CSMD1: variants seen among roughly 807,000 people sequenced by gnomAD.
The protein encoded by CSMD1 is CUB and sushi domain-containing protein 1.
In CSMD1, 213 loss-of-function variants were observed where a neutral mutation model predicts 417.5. The ratio of observed to expected loss-of-function variants is 0.51; its 90% CI spans 0.46 to 0.57. The LOEUF is 0.57. Ranked by LOEUF, CSMD1 falls within the 20% of genes least tolerant of loss-of-function variation. The pLI is 0.00. For synonymous variants in CSMD1, 2,862 were observed against 1,736.8 expected (o/e 1.65, Z -16.11); for missense variants, 6,923 against 4,529.7 (o/e 1.53, Z -15.17).
intron 26 of CSMD1, among the ~76,000 whole-genome samples, chr8:3,257,201 G>T (rs1440053696): frequency 6.6e-6 from 1 of 152,150 alleles, no homozygotes; most frequent in Non-Finnish European, 1.5e-5. Flanking sequence ...GCATCCATCT[G>T]TAATCCCAGC....
At chr8:4,238,956 A>G (rs565098672) in intron 3 of CSMD1, among the ~76,000 whole-genome samples, 16 of 152,204 alleles carry the variant, frequency 1.1e-4, no homozygotes, top group African/African-American at 3.6e-4. Context: ...TCTTCTGTAG[A>G]GAGTAGACAG....
At chr8:4,522,781 C>T (rs1014050989) in intron 2 of CSMD1, among the ~76,000 whole-genome samples, 1 of 152,158 alleles carries the variant, frequency 6.6e-6, no homozygotes, top group African/African-American at 2.4e-5. Flanking sequence ...GTCCTGGTAG[C>T]AGTGATGTGG....
At chr8:3,674,492 G>A (rs1411587184) in intron 7 of CSMD1, among the ~76,000 whole-genome samples, 1 of 151,936 alleles carries the variant, frequency 6.6e-6, no homozygotes, top group Non-Finnish European at 1.5e-5. Flanking sequence ...ACTCTTAAAA[G>A]TATTGGACAG....
At chr8:3,534,783 T>TGTTA (rs1798123431) in intron 10 of CSMD1, among the ~76,000 whole-genome samples, 1 of 152,206 alleles carries the variant, frequency 6.6e-6, no homozygotes, top group South Asian at 2.1e-4. Context: ...TTACTTTATT[T>TGTTA]CCTTGTTACA....
chr8:3,420,109 A>C (rs572713978), intron 12 of CSMD1, among the ~76,000 whole-genome samples: 3 of 152,272 alleles, frequency 2.0e-5, no homozygotes, highest in East Asian at 3.9e-4. Context: ...ATTACTTTTA[A>C]TTTCAATAGT....
At chr8:4,241,230 G>A (rs940221847) in intron 3 of CSMD1, among the ~76,000 whole-genome samples, 1 of 152,228 alleles carries the variant, frequency 6.6e-6, no homozygotes, top group South Asian at 2.1e-4. Flanking sequence ...CACTAGAATA[G>A]AATTTGACAC....
Position 4,399,790 on chromosome 8 carries a change from G to C in CSMD1, c.415+20163C>G, listed in dbSNP as rs181388041. On this transcript the variant is annotated intron_variant, in intron 3 of 69. Coordinates refer to ENST00000635120, the MANE Select transcript of CSMD1 (RefSeq NM_033225.6). ...TCCTCATGTGAGTCTATTTCTAAAA[G>C]ATGCATCTGCTTTTAGGAAGCTATT... Among the ~76,000 whole-genome samples the C allele has an allele frequency of 1.5e-4, 23 of 152,274 alleles. No individual in the cohort carries two copies. The East Asian group carries it at 2.9e-3, about 19-fold the overall frequency.
chr8:3,526,980 G>T (rs1797779933), intron 10 of CSMD1, among the ~76,000 whole-genome samples: 1 of 152,002 alleles, frequency 6.6e-6, no homozygotes, highest in Non-Finnish European at 1.5e-5. Flanking sequence ...CCCTCTGGAG[G>T]GTGGGGCTAT....
chr8:3,544,996 G>A (rs924102874), intron 10 of CSMD1, among the ~76,000 whole-genome samples: 3 of 151,982 alleles, frequency 2.0e-5, no homozygotes, highest in Non-Finnish European at 4.4e-5. Flanking sequence ...TTCCTTTTAT[G>A]AAATTTCTCT....
intron 10 of CSMD1, among the ~76,000 whole-genome samples, chr8:3,528,670 T>G (rs1179928094): frequency 6.6e-6 from 1 of 152,210 alleles, no homozygotes; most frequent in Non-Finnish European, 1.5e-5. Flanking sequence ...TTCTGGGACA[T>G]GGTGGCTGCA....
At chr8:3,482,868 TTCTAAATAATCCATG>T (rs1446182169) in intron 11 of CSMD1, among the ~76,000 whole-genome samples, 1 of 152,116 alleles carries the variant, frequency 6.6e-6, no homozygotes, top group Non-Finnish European at 1.5e-5. Flanking sequence ...AATAACACAT[TTCTAAATAATCCATG>T]ATTCAAAGGG....
intron 6 of CSMD1, among the ~76,000 whole-genome samples, chr8:3,721,133 T>G (rs1802144233): frequency 6.6e-6 from 1 of 152,148 alleles, no homozygotes; most frequent in Non-Finnish European, 1.5e-5. Flanking sequence ...AGTTGCGACT[T>G]TTGCATAATG....
chr8:3,753,271 G>C (rs28570092), intron 6 of CSMD1, among the ~76,000 whole-genome samples: 2 of 152,046 alleles, frequency 1.3e-5, no homozygotes, highest in Admixed American at 1.3e-4. Flanking sequence ...TTAGGAGACT[G>C]CTTAATAAAC....
At chr8:4,682,995 G>A (rs1465281788) in intron 1 of CSMD1, among the ~76,000 whole-genome samples, 2 of 88,492 alleles carry the variant, frequency 2.3e-5, no homozygotes, top group South Asian at 7.3e-4. Context: ...TATATATATA[G>A]TCACACATAA....
intron 1 of CSMD1, among the ~76,000 whole-genome samples, chr8:4,948,603 C>G (rs914875563): frequency 1.9e-4 from 29 of 151,932 alleles, no homozygotes; most frequent in African/African-American, 7.0e-4. Context: ...CAATGGTGTC[C>G]TTCTCAATTA....
chr8:4,789,952 T>C (rs569764169), intron 1 of CSMD1, among the ~76,000 whole-genome samples: 16 of 152,282 alleles, frequency 1.1e-4, no homozygotes, highest in African/African-American at 3.1e-4. Flanking sequence ...CCGAAAAACG[T>C]ATCTTAAAGG....
chr8:3,287,541 G>T (rs1803252401), intron 25 of CSMD1, among the ~76,000 whole-genome samples: 1 of 152,132 alleles, frequency 6.6e-6, no homozygotes, highest in East Asian at 1.9e-4. Flanking sequence ...TGGATTCCTA[G>T]GTATTTTATT....
At chr8:4,003,416 A>AC (rs1815857416) in intron 4 of CSMD1, among the ~76,000 whole-genome samples, 1 of 133,690 alleles carries the variant, frequency 7.5e-6, no homozygotes, top group African/African-American at 2.7e-5. Flanking sequence ...ACAAAAAAAC[A>AC]AACAAATAAA....
Position 4,363,736 on chromosome 8 carries a change from C to CA in CSMD1, c.415+56216dup, listed in dbSNP as rs1563096248. On this transcript the variant is annotated intron_variant, in intron 3 of 69. Coordinates refer to ENST00000635120, the MANE Select transcript of CSMD1 (RefSeq NM_033225.6). ...ACTTCTAGTTCCACCCATGTTGTTG[C>CA]AAAAGACAGGATCTCATTTTTCATG... is the stretch of plus-strand genomic sequence containing the variant. Among the ~76,000 whole-genome samples the CA allele has an allele frequency of 6.6e-5, 10 of 152,276 alleles. No individual in the cohort carries two copies. The South Asian group carries it at 2.1e-3, about 32-fold the overall frequency.
Sources: allele counts gnomAD v4.1 joint callset (sites outside exome capture counted in the v4.1 genomes callset), GRCh38; gene constraint gnomAD v4.1.1; transcripts MANE v1.5; gene names NCBI Gene and HGNC (gene_info 2026-07-23, HGNC 2026-07-21).